Variants in PGLYRP3 observed in about 807,000 individuals in gnomAD.
PGLYRP3 encodes peptidoglycan recognition protein I alpha.
A neutral mutation model predicts 36.0 loss-of-function variants in PGLYRP3; 39 were observed. That is an observed-to-expected ratio of 1.08 (90% CI 0.84 to 1.41). The LOEUF is 1.41. PGLYRP3 is among the 40% of genes most tolerant of loss of function. The pLI is 0.00. For synonymous variants in PGLYRP3, 204 were observed against 172.8 expected (o/e 1.18, Z -1.42); for missense variants, 407 against 427.9 (o/e 0.95, Z 0.43).
In PGLYRP3 at chr1:153,307,047, G is replaced by A. The variant is rs774614940; in HGVS notation, c.257+19C>T. On this transcript the variant is annotated intron_variant, in intron 3 of 7. Transcript: ENST00000683862. The stretch of plus-strand genomic sequence containing the variant: ...CGTGACTTTGGATGTGGGCCTCAGG[G>A]ACTTGGCTAGCCTCTTACTTGTACG... The A allele has an allele frequency of 6.2e-7, 1 of 1,611,452 alleles. No individual in the cohort carries two copies. The highest frequency in any genetic ancestry group is 8.5e-7 in the Non-Finnish European group (1 of 1,178,258).
chr1:153,307,027 C>T (rs1394981364), intron 3 of PGLYRP3, 39 bp downstream of exon 3: 1 of 1,601,204 alleles, frequency 6.2e-7, no homozygotes, highest in East Asian at 2.2e-5. Flanking sequence ...ACCCCCGTGA[C>T]TTTGGATGTG....
chr1:153,298,286 C>T (rs547103542), intron 7 of PGLYRP3, 152 bp from the exon 8 acceptor site: 2 of 885,824 alleles, frequency 2.3e-6, no homozygotes, highest in South Asian at 3.5e-5. Flanking sequence ...TTGTGGCAAT[C>T]AGGCACAAAA....
At chr1:153,302,355 C>T (rs879849217) in intron 6 of PGLYRP3, 54 bp downstream of exon 6, 1 of 1,583,538 alleles carries the variant, frequency 6.3e-7, no homozygotes, top group East Asian at 2.2e-5. Flanking sequence ...CCACAGCCTT[C>T]CTTCCTACAA....
chr1:153,303,873 T>C lies in PGLYRP3; in HGVS notation c.513A>G (p.Pro171=). The change falls in exon 5 of 8, where the codon CCA becomes CCG. Residue 171 remains proline (P), a synonymous_variant. Coordinates refer to ENST00000683862, the MANE Select transcript of PGLYRP3 (RefSeq NM_052891.3). ...KEETCLDPQH[P]VMPRKVCPNI... ...GGGTCTTACCCTTCCTGGGCATCAC[T>C]GGATGTTGAGGGTCCAGGCAGGTCT... The C allele has an allele frequency of 6.2e-7, 1 of 1,613,266 alleles. No homozygotes were observed. Among genetic ancestry groups the C allele is most frequent in the Non-Finnish European group, 8.5e-7 (1 of 1,179,686 alleles).
chr1:153,304,859 G>T, intron 4 of PGLYRP3, 88 bp downstream of exon 4: 1 of 937,012 alleles, frequency 1.1e-6, no homozygotes, highest in Non-Finnish European at 1.6e-6. Flanking sequence ...TATGATGTAG[G>T]GTAAAAAGAT....
rs1472979617 is a variant in PGLYRP3 at position 153,307,249 on chromosome 1, G to T, written c.74C>A (p.Ser25Tyr). 2.5e-6 allele frequency: 4 copies of T among 1,604,526 alleles called. No homozygotes were observed. In the African/African-American group the frequency reaches 5.4e-5, roughly 21 times the overall value. ...CGGTCTTGCCCCCCACTCCTTGCGGGAGACGATGGTGGGAGTATCTGTAGG... is the reference window on the plus strand; with the variant it reads ...CGGTCTTGCCCCCCACTCCTTGCGGTAGACGATGGTGGGAGTATCTGTAGG... The part of the protein sequence containing the change: ...LQAWDTPTIV[S>Y]RKEWGARPLA... Residue 25 changes from serine to tyrosine, a missense_variant, in exon 3 of 8, where the codon TCC becomes TAC. Physicochemically the swap from Ser to Tyr is moderately radical, Grantham distance 144 (BLOSUM62 -2). Transcript: ENST00000683862.
chr1:153,306,947 C>A (rs1205215352), intron 3 of PGLYRP3, 119 bp downstream of exon 3: 51 of 984,298 alleles, frequency 5.2e-5, no homozygotes, highest in Non-Finnish European at 7.6e-5. Context: ...TTTACCATTT[C>A]TATTCATTAC....
At chr1:153,311,209 A>G (rs1045369445) in intron 1 of PGLYRP3, among the ~76,000 whole-genome samples, 1 of 151,948 alleles carries the variant, frequency 6.6e-6, no homozygotes, top group Non-Finnish European at 1.5e-5. Flanking sequence ...TCAGTCATCT[A>G]CTCTGCAAAG....
Position 153,307,161 on chromosome 1 carries a change from C to G in PGLYRP3, c.162G>C (p.Gly54=), listed in dbSNP as rs746289471. Residue 54 remains glycine (G), a synonymous_variant, in exon 3 of 8, where the codon GGG becomes GGC. Transcript: ENST00000683862. ...AAACGCTCTGCTGCTGGCACTGCATCCCTGGGAGCTGGTCTGTGATGATGT... is the reference window on the plus strand; with the variant it reads ...AAACGCTCTGCTGCTGGCACTGCATGCCTGGGAGCTGGTCTGTGATGATGT... ...VAYIITDQLP[G]MQCQQQSVCS... 2 of 1,612,116 alleles carry G rather than the reference C, an allele frequency of 1.2e-6. No homozygotes were observed. Among genetic ancestry groups the G allele is most frequent in the South Asian group, 2.2e-5 (2 of 90,518 alleles).
At chr1:153,298,669 C>T (rs1331900614) in intron 7 of PGLYRP3, among the ~76,000 whole-genome samples, 2 of 152,038 alleles carry the variant, frequency 1.3e-5, no homozygotes, top group African/African-American at 4.8e-5. Flanking sequence ...ATATAAAAAA[C>T]TGTTCTGGAG....
At chr1:153,305,864 T>G (rs1659727414) in intron 3 of PGLYRP3, among the ~76,000 whole-genome samples, 1 of 152,248 alleles carries the variant, frequency 6.6e-6, no homozygotes, top group Admixed American at 6.5e-5. Context: ...CACAGGTTCC[T>G]TGGTCACTCC....
chr1:153,311,257 A>G (rs575919138), intron 1 of PGLYRP3, among the ~76,000 whole-genome samples: 13 of 152,296 alleles, frequency 8.5e-5, no homozygotes, highest in Admixed American at 7.8e-4. Context: ...TTCTTTAGTG[A>G]GAATCATAAT....
chr1:153,299,159 T>C lies in PGLYRP3; in HGVS notation c.801A>G (p.Gly267=). Residue 267 remains glycine, a synonymous_variant, in exon 7 of 8, where the codon GGA becomes GGG. Coordinates refer to ENST00000683862, the MANE Select transcript of PGLYRP3 (RefSeq NM_052891.3). ...GWHIQGSHTY[G]FNDIALGIAF... ...CAATTCCTAGGGCAATATCGTTGAATCCATAAGTGTGAGAGCCTTGGATGT... is the reference window on the plus strand; with the variant it reads ...CAATTCCTAGGGCAATATCGTTGAACCCATAAGTGTGAGAGCCTTGGATGT... The C allele has an allele frequency of 6.2e-7, 1 of 1,614,084 alleles. No individual in the cohort carries two copies. The highest frequency in any genetic ancestry group is 8.5e-7 in the Non-Finnish European group (1 of 1,180,018).
Position 153,297,192 on chromosome 1 carries a change from A to G in PGLYRP3, c.*764T>C, listed in dbSNP as rs191454501. Among the ~76,000 whole-genome samples the G allele has an allele frequency of 2.6e-3, 391 of 152,268 alleles. 1 individual carries two copies. The highest frequency in any genetic ancestry group is 8.8e-3 in the African/African-American group (367 of 41,550). The stretch of plus-strand genomic sequence containing the variant: ...ATTAAACTCCAAACACTGCTGAGGA[A>G]CTGAGGATAGAGATGAATAAAATAG... On this transcript the variant is annotated 3_prime_UTR_variant, in exon 8 of 8. Coordinates refer to ENST00000683862, the MANE Select transcript of PGLYRP3 (RefSeq NM_052891.3).
At chr1:153,306,480 A>T (rs1414258969) in intron 3 of PGLYRP3, among the ~76,000 whole-genome samples, 3 of 151,308 alleles carry the variant, frequency 2.0e-5, no homozygotes, top group Non-Finnish European at 4.4e-5. Flanking sequence ...CCCAAAGCCC[A>T]CTCTCCCCGG....
chr1:153,308,503 C>G (rs550913356), intron 2 of PGLYRP3, among the ~76,000 whole-genome samples: 1 of 152,184 alleles, frequency 6.6e-6, no homozygotes, highest in Non-Finnish European at 1.5e-5. Flanking sequence ...ATCTCCAAAC[C>G]GCCTCACCAT....
chr1:153,303,595 A>G (rs961158273), intron 5 of PGLYRP3, among the ~76,000 whole-genome samples: 1 of 152,254 alleles, frequency 6.6e-6, no homozygotes. Flanking sequence ...CCTGCTATGC[A>G]GTAAATATTT....
Position 153,303,875 on chromosome 1 carries a change from G to A in PGLYRP3, c.511C>T (p.Pro171Ser). ...KEETCLDPQH[P>S]VMPRKVCPNI... is the part of the protein sequence containing the mutation. ...GTCTTACCCTTCCTGGGCATCACTG[G>A]ATGTTGAGGGTCCAGGCAGGTCTCT... is the stretch of plus-strand genomic sequence containing the variant. The change falls in exon 5 of 8, where the codon CCA becomes TCA. Residue 171 changes from proline to serine, a missense_variant. Transcript: ENST00000683862. 1.2e-6 allele frequency: 2 copies of A among 1,613,462 alleles called. No individual in the cohort carries two copies. Among genetic ancestry groups the A allele is most frequent in the South Asian group, 2.2e-5 (2 of 91,006 alleles).
At chr1:153,303,298 G>A (rs1464820860) in intron 5 of PGLYRP3, among the ~76,000 whole-genome samples, 11 of 152,128 alleles carry the variant, frequency 7.2e-5, no homozygotes, top group Admixed American at 6.6e-4. Context: ...GCTTTTCTCC[G>A]AGCTGTGGCT....
Sources: gnomAD v4.1 joint callset for allele counts (sites outside exome capture counted in the v4.1 genomes callset) on GRCh38, gnomAD v4.1.1 for gene constraint, MANE v1.5 for transcripts, NCBI Gene and HGNC (gene_info 2026-07-23, HGNC 2026-07-21) for gene names.